CEP350: variants seen among roughly 807,000 people sequenced by gnomAD.
CEP350 encodes the protein centrosome-associated protein 350.
In CEP350, 126 loss-of-function variants were observed where a neutral mutation model predicts 331.8. The ratio of observed to expected loss-of-function variants is 0.38; its 90% CI spans 0.33 to 0.44. The LOEUF (loss-of-function observed/expected upper bound fraction) is 0.44, where lower values mean the gene tolerates loss of function less well. Among genes scored for constraint, CEP350 ranks in the 20% least tolerant of loss-of-function variants. The pLI, the probability that CEP350 is intolerant of heterozygous loss-of-function variation, is 1.00. For synonymous variants in CEP350, 1,200 were observed against 1,259.5 expected, an observed-to-expected ratio of 0.95 and a Z score of 1.00; for missense variants, 3,406 against 3,634.6, an observed-to-expected ratio of 0.94 and a Z score of 1.62.
In CEP350 at chr1:180,114,657, G is replaced by A. The variant is rs912078416; in HGVS notation, c.*3496G>A. The A allele has an allele frequency of 5.9e-5, 9 of 152,508 alleles. No individual in the cohort carries two copies. The South Asian group carries it at 8.3e-4, about 14-fold the overall frequency. 9.4% of individuals were successfully genotyped at this position (152,508 alleles called of 1,614,324 possible). Reference sequence around the variant, plus strand: ...TGTGCAGACATGAAAAAATAAACCCGTTTACTGTGTGCGTGTAAATAGCCT... The same window carrying A: ...TGTGCAGACATGAAAAAATAAACCCATTTACTGTGTGCGTGTAAATAGCCT... On this transcript the variant is annotated 3_prime_UTR_variant, in exon 38 of 38. Transcript: ENST00000367607.
At chr1:180,008,441 C>T (rs1186219373) in intron 8 of CEP350, among the ~76,000 whole-genome samples, 1 of 93,026 alleles carries the variant, frequency 1.1e-5, no homozygotes, top group Non-Finnish European at 2.7e-5. Flanking sequence ...GATAAAGACT[C>T]AACTGTTAGC....
At chr1:179,958,839 A>T (rs1316445365) in intron 1 of CEP350, among the ~76,000 whole-genome samples, 1 of 152,200 alleles carries the variant, frequency 6.6e-6, no homozygotes, top group African/African-American at 2.4e-5. Flanking sequence ...ACTATACTAT[A>T]GAATATGATT....
At position 180,015,851 on chromosome 1, in the gene CEP350, C is replaced by G. The variant is rs978557330; in HGVS notation, c.2055C>G (p.Ala685=). 6.2e-7 allele frequency: 1 copy of G among 1,613,134 alleles called. No homozygotes were observed. Among genetic ancestry groups the G allele is most frequent in the Admixed American group, 1.7e-5 (1 of 59,852 alleles). ...SHQHVTQETQ[A]KPGYQPSGES... ...AATTTGATGTCCTTTTCTCCTAGGC[C>G]AAACCAGGGTATCAGCCATCTGGAG... The change falls in exon 11 of 38, where the codon GCC becomes GCG. Residue 685 remains alanine, a splice_region_variant and synonymous_variant. Transcript: ENST00000367607.
Position 180,110,988 on chromosome 1 carries a change from A to C in CEP350, c.9190-9A>C. ...GAATTTTCTAACCTTATTGTCTTCT[A>C]AATCCTAGGTTCAGGAGCTCCATGA... On this transcript the variant is annotated splice_polypyrimidine_tract_variant and intron_variant, in intron 37 of 37. Transcript: ENST00000367607. 6.2e-7 allele frequency: 1 copy of C among 1,612,362 alleles called. No homozygotes were observed. The highest frequency in any genetic ancestry group is 8.5e-7 in the Non-Finnish European group (1 of 1,178,620).
At chr1:179,993,990 A>G (rs1388644473) in intron 5 of CEP350, among the ~76,000 whole-genome samples, 1 of 152,166 alleles carries the variant, frequency 6.6e-6, no homozygotes, top group Non-Finnish European at 1.5e-5. Context: ...TTGGTTCCAT[A>G]TCTGCCCATT....
In CEP350 at chr1:180,020,592, C is replaced by T. The variant is rs1655262512; in HGVS notation, c.2818C>T (p.Pro940Ser). 6.2e-7 allele frequency: 1 copy of T among 1,613,776 alleles called. No individual in the cohort carries two copies. The change falls in exon 12 of 38, where the codon CCT (proline) becomes TCT (serine). Residue 940 changes from proline to serine, a missense_variant. By Grantham distance (74) the Pro-to-Ser change is moderately conservative. Transcript: ENST00000367607. ...CATATCAAGCTTTAGAGTGAGATCC[C>T]CTGGTCCCAAACCAGAAGGGCTACT... ...SAISSFRVRS[P>S]GPKPEGLLAQ...
chr1:180,078,064 C>T (rs4652463), intron 28 of CEP350, among the ~76,000 whole-genome samples: 1 of 151,582 alleles, frequency 6.6e-6, no homozygotes, highest in African/African-American at 2.4e-5. Flanking sequence ...TCCCGGGAAG[C>T]GAAGGTTACA....
In CEP350 at chr1:179,986,056, A is replaced by G. The variant is rs577495963; in HGVS notation, c.-13-113A>G. The stretch of plus-strand genomic sequence containing the variant: ...TGTGTTTTTGATAGTAGCTTGTCCT[A>G]TTTACATCCTAATGGGTGTGAAGTA... On this transcript the variant is annotated intron_variant, in intron 1 of 37. Transcript: ENST00000367607. The G allele has an allele frequency of 2.0e-4, 159 of 811,884 alleles. 1 individual carries two copies. The African/African-American group carries it at 2.4e-3, about 12-fold the overall frequency. 50.3% of individuals were successfully genotyped at this position (811,884 alleles called of 1,614,324 possible). A position where few individuals can be genotyped will look rare whatever the true frequency, so the allele number is the denominator to read the frequency against.
Position 180,111,011 on chromosome 1 carries a change from TGAG to T in CEP350, c.9212_9214del (p.Glu3071del). ...CTAAATCCTAGGTTCAGGAGCTCCATGAGGAGGAGGCACAGTGGGTGAACTATG... is the reference window on the plus strand; with the variant it reads ...CTAAATCCTAGGTTCAGGAGCTCCATGAGGAGGCACAGTGGGTGAACTATG... On this transcript the variant is annotated inframe_deletion, in exon 38 of 38. Coordinates refer to ENST00000367607, the MANE Select transcript of CEP350 (RefSeq NM_014810.5). 6.2e-7 allele frequency: 1 copy of T among 1,613,722 alleles called. No individual in the cohort carries two copies. Among genetic ancestry groups the T allele is most frequent in the South Asian group, 1.1e-5 (1 of 91,068 alleles).
In CEP350 at chr1:180,094,574, TGAAAAA is replaced by T. The variant is rs1389066011; in HGVS notation, c.8473_8478del (p.Lys2825_Glu2826del). ...GCTTCTTAAGTTCTGAATTGGAAGA[TGAAAAA>T]GAAGAGATTTCCTCTCCAGATATGT... On this transcript the variant is annotated inframe_deletion, in exon 34 of 38. Coordinates refer to ENST00000367607, the MANE Select transcript of CEP350 (RefSeq NM_014810.5). 1.9e-6 allele frequency: 3 copies of T among 1,613,456 alleles called. No homozygotes were observed. The highest frequency in any genetic ancestry group is 2.5e-6 in the Non-Finnish European group (3 of 1,179,760).
chr1:179,980,467 T>C (rs1027276327), intron 1 of CEP350, among the ~76,000 whole-genome samples: 8 of 152,086 alleles, frequency 5.3e-5, no homozygotes, highest in African/African-American at 1.9e-4. Context: ...TTCCTATATG[T>C]ATGATTATAT....
intron 16 of CEP350, among the ~76,000 whole-genome samples, chr1:180,036,611 A>T (rs1656371958): frequency 6.6e-6 from 1 of 152,144 alleles, no homozygotes; most frequent in South Asian, 2.1e-4. Context: ...GCAATACAGT[A>T]TTTTTAAATT....
chr1:180,077,766 T>C (rs1659323973), intron 28 of CEP350, among the ~76,000 whole-genome samples: 2 of 151,614 alleles, frequency 1.3e-5, no homozygotes, highest in Non-Finnish European at 2.9e-5. Flanking sequence ...TAAACTGATC[T>C]GTAGATTCAA....
Position 180,096,137 on chromosome 1 carries a change from A to G in CEP350, c.9019A>G (p.Ser3007Gly). 1.3e-6 allele frequency: 2 copies of G among 1,569,442 alleles called. No individual in the cohort carries two copies. The highest frequency in any genetic ancestry group is 1.2e-5 in the South Asian group (1 of 85,540). ...GATGAAGCCATGTAGAATCAACTCTAGTTATTTCCGACGAGTGAAAAATCC... is the reference window on the plus strand; with the variant it reads ...GATGAAGCCATGTAGAATCAACTCTGGTTATTTCCGACGAGTGAAAAATCC... Reference protein sequence around the residue: ...VWMKPCRINSSYFRRVKNPNN... With the variant: ...VWMKPCRINSGYFRRVKNPNN... Residue 3007 changes from serine to glycine, a missense_variant, in exon 36 of 38, where the codon AGT becomes GGT. Around this residue, in one of 5 missense-constraint regions of CEP350, gnomAD observed 1,415 missense variants for 1,512.3 expected, o/e 0.94. Transcript: ENST00000367607.
chr1:180,041,567 T>C (rs4652461), intron 18 of CEP350, 95 bp from the exon 19 acceptor site: 1,026,271 of 1,232,418 alleles, frequency 0.83, 428,495 homozygotes, highest in Admixed American at 0.88. Context: ...TTTTTTACTA[T>C]GAATAAGACA....
intron 1 of CEP350, chr1:179,968,780 G>T (rs968214498): frequency 1.5e-5 from 10 of 665,422 alleles, no homozygotes; most frequent in Non-Finnish European, 2.8e-5. Flanking sequence ...AAAAGTAATG[G>T]CATCTACATC....
chr1:179,964,175 T>C (rs1477781564), intron 1 of CEP350, among the ~76,000 whole-genome samples: 1 of 152,204 alleles, frequency 6.6e-6, no homozygotes, highest in Non-Finnish European at 1.5e-5. Context: ...TTTTGCATCC[T>C]GAAACTTTAC....
Position 180,024,526 on chromosome 1 carries a change from C to T in CEP350, c.3494C>T (p.Ser1165Leu), listed in dbSNP as rs376093932. 19 of 1,613,006 alleles carry T rather than the reference C, an allele frequency of 1.2e-5. No individual in the cohort carries two copies. The highest frequency in any genetic ancestry group is 4.5e-5 in the East Asian group (2 of 44,840). Residue 1165 changes from serine to leucine, a missense_variant, in exon 14 of 38, where the codon TCG becomes TTG. Ser to Leu is a moderately radical substitution (Grantham distance 145). This residue lies in a region of CEP350 where 1,857 missense variants were observed against 1,909.2 expected (regional missense o/e 0.97). Coordinates refer to ENST00000367607, the MANE Select transcript of CEP350 (RefSeq NM_014810.5). Reference protein sequence around the residue: ...QHSSGAQSAASSRSSTSSKGK... With the variant: ...QHSSGAQSAALSRSSTSSKGK... The stretch of plus-strand genomic sequence containing the variant: ...TCATCAGGAGCCCAGTCTGCTGCAT[C>T]GTCTCGTTCATCTACTTCTTCTAAA...
rs866432929 is a variant in CEP350, at chr1:180,038,792, A to G, written c.4110+1703A>G. On this transcript the variant is annotated intron_variant, in intron 17 of 37. Coordinates refer to ENST00000367607, the MANE Select transcript of CEP350 (RefSeq NM_014810.5). ...CAAGTCCTTTTCAGATGTATTGGAA[A>G]TATTGTATTCCAGGTCTTGGCTTAT... Among the ~76,000 whole-genome samples the G allele has an allele frequency of 8.1e-4, 123 of 152,348 alleles. 1 individual carries two copies. The highest frequency in any genetic ancestry group is 2.9e-3 in the African/African-American group (120 of 41,582).
Sources: gnomAD v4.1 joint callset for allele counts (sites outside exome capture counted in the v4.1 genomes callset) on GRCh38, gnomAD v4.1.1 for gene constraint, gnomAD v4.1.1 regional missense constraint, MANE v1.5 for transcripts, NCBI Gene and HGNC (gene_info 2026-07-23, HGNC 2026-07-21) for gene names.